SPATS2L: variants seen among roughly 807,000 people sequenced by gnomAD.
SPATS2L encodes spermatogenesis associated serine rich 2 like.
A neutral mutation model predicts 59.6 loss-of-function variants in SPATS2L; 30 were observed. That is an observed-to-expected ratio of 0.50 (90% CI 0.38 to 0.68). The LOEUF is 0.68. SPATS2L is among the 30% of genes least tolerant of loss of function. The pLI, the probability that SPATS2L is intolerant of heterozygous loss-of-function variation, is 0.00. For synonymous variants in SPATS2L, 252 were observed against 263.5 expected (o/e 0.96, Z 0.42); for missense variants, 615 against 700.0 (o/e 0.88, Z 1.37).
chr2:200,335,253 A>G (rs1465325328), intron 2 of SPATS2L, among the ~76,000 whole-genome samples: 1 of 152,118 alleles, frequency 6.6e-6, no homozygotes, highest in Non-Finnish European at 1.5e-5. Flanking sequence ...TACTGAAAGA[A>G]TCGGATACCA....
At chr2:200,407,793 C>G (rs2082738406) in intron 3 of SPATS2L, among the ~76,000 whole-genome samples, 2 of 152,306 alleles carry the variant, frequency 1.3e-5, no homozygotes, top group South Asian at 4.1e-4. Flanking sequence ...GACCTGCCCA[C>G]TGTTATCATG....
At chr2:200,346,954 T>C (rs2080532153) in intron 2 of SPATS2L, among the ~76,000 whole-genome samples, 1 of 152,234 alleles carries the variant, frequency 6.6e-6, no homozygotes, top group Admixed American at 6.5e-5. Context: ...GTATTTTTAA[T>C]TGTAGTTACA....
intron 1 of SPATS2L, among the ~76,000 whole-genome samples, chr2:200,321,693 A>G (rs2079564634): frequency 6.6e-6 from 1 of 152,270 alleles, no homozygotes; most frequent in Non-Finnish European, 1.5e-5. Context: ...TTGTGAATAG[A>G]CAACAAATTC....
intron 8 of SPATS2L, among the ~76,000 whole-genome samples, chr2:200,454,525 A>G (rs1222799976): frequency 6.6e-6 from 1 of 152,242 alleles, no homozygotes; most frequent in Non-Finnish European, 1.5e-5. Flanking sequence ...GAAAGGAATC[A>G]AGACAGTGGA....
intron 4 of SPATS2L, 74 bp from the exon 5 acceptor site, chr2:200,416,305 G>C: frequency 1.4e-6 from 1 of 711,914 alleles, no homozygotes; most frequent in Non-Finnish European, 2.1e-6. Context: ...CTACCAAGAT[G>C]GAAAGACAGA....
Position 200,479,901 on chromosome 2 carries a change from T to G in SPATS2L, c.*1870T>G, listed in dbSNP as rs191293543. The G allele has an allele frequency of 5.0e-6, 2 of 397,166 alleles. No homozygotes were observed. Among genetic ancestry groups the G allele is most frequent in the Non-Finnish European group, 8.9e-6 (2 of 225,712 alleles). The allele number at this position is 397,166 out of a possible 1,614,324, so 24.6% of individuals were successfully genotyped here. On this transcript the variant is annotated 3_prime_UTR_variant, in exon 13 of 13. Transcript: ENST00000409140. ...GTACCCAGAGATTTAATAGAAATTC[T>G]TAACGTTAAGTCACATTCCAGGAAG...
At chr2:200,451,942 C>T (rs1401358546) in intron 8 of SPATS2L, among the ~76,000 whole-genome samples, 1 of 150,926 alleles carries the variant, frequency 6.6e-6, no homozygotes, top group African/African-American at 2.4e-5. Context: ...AAATTTGTTT[C>T]ATTTTATCCT....
At chr2:200,321,610 T>C (rs1486728088) in intron 1 of SPATS2L, among the ~76,000 whole-genome samples, 1 of 152,242 alleles carries the variant, frequency 6.6e-6, no homozygotes, top group Admixed American at 6.5e-5. Context: ...TTTAATGTTA[T>C]TCTATGGATA....
intron 2 of SPATS2L, among the ~76,000 whole-genome samples, chr2:200,384,782 G>T (rs2081939633): frequency 6.6e-6 from 1 of 151,958 alleles, no homozygotes; most frequent in Non-Finnish European, 1.5e-5. Context: ...TTTTCTTTAG[G>T]ACATATGTAA....
intron 1 of SPATS2L, among the ~76,000 whole-genome samples, chr2:200,324,226 T>C (rs1194631234): frequency 6.6e-6 from 1 of 152,152 alleles, no homozygotes; most frequent in Non-Finnish European, 1.5e-5. Flanking sequence ...GACTATACTG[T>C]AGGACCTTGA....
intron 3 of SPATS2L, among the ~76,000 whole-genome samples, chr2:200,405,872 G>A (rs962899087): frequency 6.6e-6 from 1 of 152,176 alleles, no homozygotes; most frequent in Admixed American, 6.5e-5. Flanking sequence ...GAAAGAGCCA[G>A]CCATATGCTC....
At chr2:200,372,238 C>G (rs746753222) in intron 2 of SPATS2L, 395 of 969,422 alleles carry the variant, frequency 4.1e-4, no homozygotes, top group Non-Finnish European at 4.7e-4. Flanking sequence ...AGAGGTCCCC[C>G]ATCTTCCCGA....
At chr2:200,333,156 T>A (rs2080011092) in intron 2 of SPATS2L, among the ~76,000 whole-genome samples, 1 of 151,150 alleles carries the variant, frequency 6.6e-6, no homozygotes, top group African/African-American at 2.4e-5. Flanking sequence ...TGTGGTGGTG[T>A]GTGCCTGTAG....
chr2:200,458,841 G>A (rs968434795), intron 8 of SPATS2L, among the ~76,000 whole-genome samples: 2 of 152,038 alleles, frequency 1.3e-5, no homozygotes, highest in African/African-American at 4.8e-5. Flanking sequence ...GTAAATTATT[G>A]TGGTCCCCAG....
chr2:200,374,972 A>T (rs56313571), intron 2 of SPATS2L, among the ~76,000 whole-genome samples: 3,039 of 152,356 alleles, frequency 0.02, 38 homozygotes, highest in Middle Eastern at 0.095. Context: ...TAAACTATGT[A>T]TTGCTAATGC....
intron 8 of SPATS2L, among the ~76,000 whole-genome samples, chr2:200,445,323 T>C (rs1162903933): frequency 6.6e-6 from 1 of 152,054 alleles, no homozygotes; most frequent in Non-Finnish European, 1.5e-5. Context: ...AAAAAATAAT[T>C]AATAATAAAA....
At chr2:200,395,942 C>G (rs537732163) in intron 3 of SPATS2L, among the ~76,000 whole-genome samples, 6 of 138,076 alleles carry the variant, frequency 4.3e-5, no homozygotes, top group Non-Finnish European at 6.1e-5. Context: ...ACCCAGGGAG[C>G]AGATGTTGCA....
chr2:200,428,016 G>T (rs1392316084), intron 6 of SPATS2L, among the ~76,000 whole-genome samples: 1 of 151,100 alleles, frequency 6.6e-6, no homozygotes, highest in Non-Finnish European at 1.5e-5. Context: ...GCCACAGTGA[G>T]CCGTGATCAC....
intron 3 of SPATS2L, among the ~76,000 whole-genome samples, chr2:200,396,223 C>T (rs1484779877): frequency 6.6e-6 from 1 of 151,378 alleles, no homozygotes; most frequent in Non-Finnish European, 1.5e-5. Flanking sequence ...AAATGGGGAA[C>T]AGCTCAGTCT....
Sources: gnomAD v4.1 joint callset for allele counts (sites outside exome capture counted in the v4.1 genomes callset) on GRCh38, gnomAD v4.1.1 for gene constraint, MANE v1.5 for transcripts, NCBI Gene and HGNC (gene_info 2026-07-23, HGNC 2026-07-21) for gene names.